The following MASP1 variants were observed in gnomAD, a reference collection of about 807,000 sequenced individuals.
The protein encoded by MASP1 is MBL associated serine protease 1, also known as mannan-binding lectin serine protease 1.
A neutral mutation model predicts 77.1 loss-of-function variants in MASP1; 59 were observed. The observed-to-expected ratio is 0.77, with a 90% CI of 0.62 to 0.95. The LOEUF is 0.95. Ranked by LOEUF, MASP1 falls within the 40% of genes least tolerant of loss-of-function variation. The pLI is 0.00. For synonymous variants in MASP1, 362 were observed against 354.5 expected (o/e 1.02, Z -0.24); for missense variants, 885 against 912.9 (o/e 0.97, Z 0.39).
intron 2 of MASP1, among the ~76,000 whole-genome samples, chr3:187,282,740 C>A (rs1560036974): frequency 6.6e-6 from 1 of 152,142 alleles, no homozygotes; most frequent in African/African-American, 2.4e-5. Flanking sequence ...GCTGGTGCCC[C>A]ACGGCTGTTG....
downstream of MASP1, among the ~76,000 whole-genome samples, chr3:187,232,224 C>G (rs1162548012): frequency 6.6e-6 from 1 of 150,552 alleles, no homozygotes; most frequent in Non-Finnish European, 1.5e-5. Context: ...TTTCTGATCC[C>G]TTCCCCCCCC....
chr3:187,259,860 G>C (rs1266905221), intron 4 of MASP1, among the ~76,000 whole-genome samples: 1 of 152,172 alleles, frequency 6.6e-6, no homozygotes, highest in African/African-American at 2.4e-5. Context: ...AAGCACAGAT[G>C]CTTATCCTGG....
rs984338337 is a variant in MASP1 at position 187,246,485 on chromosome 3, G to A, written c.1091-2864C>T. 30 of 985,296 alleles carry A rather than the reference G, an allele frequency of 3.0e-5. No individual in the cohort carries two copies. In the East Asian group the frequency reaches 7.9e-4, roughly 26 times the overall value. 61.0% of individuals were successfully genotyped at this position (985,296 alleles called of 1,614,324 possible). A position where few individuals can be genotyped will look rare whatever the true frequency, so the allele number is the denominator to read the frequency against. On this transcript the variant is annotated intron_variant, in intron 8 of 10. Coordinates refer to ENST00000296280, the MANE Select transcript of MASP1 (RefSeq NM_139125.4). ...GACTGCCCAGGGTTCTCCCCTCACC[G>A]CACAGCCATTTAATCACCAAATAGA...
At chr3:187,242,901 G>C (rs1713774496) in intron 9 of MASP1, 1 of 178,272 alleles carries the variant, frequency 5.6e-6, no homozygotes, top group African/African-American at 2.4e-5. Context: ...GGATATGCTG[G>C]GCTACCTGGG....
chr3:187,251,779 C>T (rs1714627436), intron 6 of MASP1, 27 bp from the exon 7 acceptor site: 1 of 1,568,306 alleles, frequency 6.4e-7, no homozygotes, highest in Non-Finnish European at 8.8e-7. Context: ...GAAAGAACAG[C>T]AGGTGAGAAA....
intron 2 of MASP1, chr3:187,276,584 C>G (rs1314046540): frequency 6.6e-6 from 1 of 152,322 alleles, no homozygotes; most frequent in Non-Finnish European, 1.5e-5. Flanking sequence ...CTTCCCAGCT[C>G]ACACTCACCC....
rs959506218 is a variant in MASP1, at chr3:187,226,200, G to A, written c.1555+207C>T. ...CTCATTTTATCGTTGTGAAACTGAA[G>A]CATAGACTTCAATGCCTTCTCATGG... On this transcript the variant is annotated intron_variant, in intron 12 of 15. Coordinates refer to the MASP1 transcript ENST00000337774. The A allele has an allele frequency of 1.0e-5, 6 of 589,020 alleles. No individual in the cohort carries two copies. In the African/African-American group the frequency reaches 1.1e-4, roughly 11 times the overall value. The allele number at this position is 589,020 out of a possible 1,614,324, so 36.5% of individuals were successfully genotyped here. A position where few individuals can be genotyped will look rare whatever the true frequency, so the allele number is the denominator to read the frequency against.
chr3:187,221,055 A>G (rs1385568886), exon 15 of MASP1: 2 of 1,614,094 alleles, frequency 1.2e-6, no homozygotes, highest in Non-Finnish European at 1.7e-6. Flanking sequence ...CCCAGCACAG[A>G]TCATGTCCCT....
At chr3:187,242,994 C>A in intron 9 of MASP1, 1 of 212,028 alleles carries the variant, frequency 4.7e-6, no homozygotes, top group South Asian at 8.0e-5. Context: ...AAGGAAGGTC[C>A]CTTACCTGCT....
intron 2 of MASP1, among the ~76,000 whole-genome samples, chr3:187,269,944 A>G (rs1408063256): frequency 7.5e-6 from 1 of 132,856 alleles, no homozygotes; most frequent in Admixed American, 8.3e-5. Context: ...CTGAACGGCT[A>G]ATGGGATAAA....
rs766377015 is a variant in MASP1, at chr3:187,234,245, TG to T, written c.*1438del. The T allele has an allele frequency of 3.1e-6, 4 of 1,285,224 alleles. No individual in the cohort carries two copies. The highest frequency in any genetic ancestry group is 2.3e-5 in the Admixed American group (1 of 43,276). 79.6% of individuals were successfully genotyped at this position (1,285,224 alleles called of 1,614,324 possible). A position where few individuals can be genotyped will look rare whatever the true frequency, so the allele number is the denominator to read the frequency against. ...AAAGGAGTGTGTTTGATGAGCCGGT[TG>T]AGAAAGTGGACACTTCCCAATCATT... On this transcript the variant is annotated 3_prime_UTR_variant, in exon 11 of 11. Coordinates refer to ENST00000296280, the MANE Select transcript of MASP1 (RefSeq NM_139125.4).
chr3:187,233,695 C>T (rs1023661684), downstream of MASP1, among the ~76,000 whole-genome samples: 4 of 152,214 alleles, frequency 2.6e-5, no homozygotes, highest in African/African-American at 7.2e-5. Context: ...TGTGGCACCA[C>T]GGGTAACTTG....
intron 2 of MASP1, among the ~76,000 whole-genome samples, chr3:187,270,483 C>T (rs942687281): frequency 6.6e-6 from 1 of 152,226 alleles, no homozygotes; most frequent in Non-Finnish European, 1.5e-5. Flanking sequence ...CCTGATGTTT[C>T]CCATTAGTAA....
At chr3:187,282,460 G>A (rs886147148) in intron 2 of MASP1, among the ~76,000 whole-genome samples, 14 of 145,518 alleles carry the variant, frequency 9.6e-5, no homozygotes, top group African/African-American at 2.6e-5. Context: ...TCCCGCCACT[G>A]CACTCCAGCC....
chr3:187,221,629 C>G (rs114339673), intron 14 of MASP1, among the ~76,000 whole-genome samples: 2,006 of 152,258 alleles, frequency 0.013, 43 homozygotes, highest in African/African-American at 0.044. Flanking sequence ...GAGGCAGGAA[C>G]AAGTGCTTTG....
At position 187,280,418 on chromosome 3, in the gene MASP1, T is replaced by C. The variant is rs1233328288; in HGVS notation, c.237+5407A>G. ...GATTTATGCTTCCTTTTACAGTGAA[T>C]AGATGCCATGAAATGAACTTGAAAT... On this transcript the variant is annotated intron_variant, in intron 2 of 10. Transcript: ENST00000296280. Among the ~76,000 whole-genome samples the C allele has an allele frequency of 3.9e-5, 6 of 152,346 alleles. No individual in the cohort carries two copies. The East Asian group carries it at 7.7e-4, about 20-fold the overall frequency.
chr3:187,226,706 A>G (rs1374871630), intron 11 of MASP1, among the ~76,000 whole-genome samples: 2 of 152,180 alleles, frequency 1.3e-5, no homozygotes, highest in African/African-American at 4.8e-5. Flanking sequence ...GAAGATGAGG[A>G]TTTAAATCTG....
At position 187,234,799 on chromosome 3, in the gene MASP1, C is replaced by T. The variant is rs850314; in HGVS notation, c.*885G>A. ...AGGTAATCGACTAAGTCCCCATATT[C>T]GGGCCTGGGCTTCAGGTAGCCTTTC... On this transcript the variant is annotated 3_prime_UTR_variant, in exon 11 of 11. Transcript: ENST00000296280. The T allele has an allele frequency of 0.31, 400,525 of 1,287,128 alleles. 65,419 individuals are homozygous for T. Among genetic ancestry groups the T allele is most frequent in the Non-Finnish European group, 0.34 (331,257 of 988,656 alleles). 79.7% of individuals were successfully genotyped at this position (1,287,128 alleles called of 1,614,324 possible).
At chr3:187,268,308 C>T (rs1423827023) in intron 2 of MASP1, among the ~76,000 whole-genome samples, 3 of 151,852 alleles carry the variant, frequency 2.0e-5, no homozygotes, top group African/African-American at 4.8e-5. Flanking sequence ...ATAGCAAGAC[C>T]CTGTCTCTAC....
Sources: gnomAD v4.1 joint callset for allele counts (sites outside exome capture counted in the v4.1 genomes callset) on GRCh38, gnomAD v4.1.1 for gene constraint, MANE v1.5 for transcripts, NCBI Gene and HGNC (gene_info 2026-07-23, HGNC 2026-07-21) for gene names.